Variants in DNAJB6 observed in about 807,000 individuals in gnomAD.
DNAJB6 encodes DnaJ heat shock protein family (Hsp40) member B6.
In DNAJB6, 16 loss-of-function variants were observed where a neutral mutation model predicts 42.7. The observed-to-expected ratio is 0.37, with a 90% CI of 0.25 to 0.57. DNAJB6 has a LOEUF of 0.57. DNAJB6 is among the 20% of genes least tolerant of loss of function. DNAJB6 has a pLI of 0.74. For synonymous variants in DNAJB6, 170 were observed against 163.5 expected, an observed-to-expected ratio of 1.04 and a Z score of -0.30; for missense variants, 347 against 416.8, an observed-to-expected ratio of 0.83 and a Z score of 1.46.
rs1800032246 is a variant in DNAJB6 at position 157,369,675 on chromosome 7, ATTATTATTAAACAGGCCTTTCATAACG to A, written c.346+2205_346+2231del. Among the ~76,000 whole-genome samples the A allele has an allele frequency of 2.7e-5, 4 of 149,962 alleles. 1 individual carries two copies. Among genetic ancestry groups the A allele is most frequent in the African/African-American group, 5.0e-5 (2 of 39,664 alleles). Reference sequence around the variant, plus strand: ...ATTATTAAACAGGCCCCTTCTTAACATTATTATTAAACAGGCCTTTCATAACGTTATTATTAAACGGGCCCCTTCTTC... The same window carrying A: ...ATTATTAAACAGGCCCCTTCTTAACATTATTATTAAACGGGCCCCTTCTTC... On this transcript the variant is annotated intron_variant, in intron 5 of 9. Transcript: ENST00000262177.
chr7:157,369,914 CCTT>C (rs1344338262), intron 5 of DNAJB6, among the ~76,000 whole-genome samples: 1 of 147,150 alleles, frequency 6.8e-6, no homozygotes, highest in Non-Finnish European at 1.5e-5. Flanking sequence ...TAAACAGGCC[CCTT>C]CTTAACATTA....
rs1410289788 is a variant in DNAJB6, at chr7:157,409,430, C to CGA, written c.692-365_692-364insGA. 3.8e-4 allele frequency among the ~76,000 whole-genome samples: 58 copies of CGA among 152,348 alleles called. 1 individual carries two copies. The highest frequency in any genetic ancestry group is 7.3e-5 in the Non-Finnish European group (5 of 68,038). On this transcript the variant is annotated intron_variant, in intron 8 of 9. Transcript: ENST00000262177. ...CCAACTGGACCCAGAACCTTTCTTC[C>CGA]CCAGGGTGGCTCAGCTGGCTGGTTT...
intron 8 of DNAJB6, among the ~76,000 whole-genome samples, chr7:157,408,607 G>A (rs1368771876): frequency 6.6e-6 from 1 of 152,236 alleles, no homozygotes; most frequent in Non-Finnish European, 1.5e-5. Flanking sequence ...CTGAGAGCAG[G>A]TTCCTTCCTG....
chr7:157,337,708 A>G (rs2116819039), intron 1 of DNAJB6: 1 of 152,312 alleles, frequency 6.6e-6, no homozygotes, highest in East Asian at 1.9e-4. Context: ...TGCCTTTCTC[A>G]CTCAGAATGT....
At chr7:157,403,015 C>T (rs898110333) in intron 8 of DNAJB6, among the ~76,000 whole-genome samples, 6 of 152,222 alleles carry the variant, frequency 3.9e-5, no homozygotes, top group Middle Eastern at 3.4e-3. Flanking sequence ...GACAGGTGCC[C>T]GAGGTGGTCG....
At chr7:157,412,003 G>C (rs1174114859) in intron 9 of DNAJB6, 1 of 152,242 alleles carries the variant, frequency 6.6e-6, no homozygotes, top group African/African-American at 2.4e-5. Context: ...TGGATCTTCC[G>C]TTTTGCGGCT....
rs552613359 is a variant in DNAJB6, at chr7:157,366,570, G to A, written c.235+9G>A. 11 of 1,613,334 alleles carry A rather than the reference G, an allele frequency of 6.8e-6. No individual in the cohort carries two copies. The highest frequency in any genetic ancestry group is 9.3e-6 in the Non-Finnish European group (11 of 1,179,586). ...AAATGGTGGAGGAGGAGGTAAGTAC[G>A]TGAGTTTTTTCTTTGAAGACAAAAG... On this transcript the variant is annotated intron_variant, in intron 4 of 9. Transcript: ENST00000262177.
intron 8 of DNAJB6, among the ~76,000 whole-genome samples, chr7:157,406,666 T>G (rs2117198914): frequency 6.6e-6 from 1 of 152,234 alleles, no homozygotes; most frequent in Non-Finnish European, 1.5e-5. Flanking sequence ...CCCCAGTCAC[T>G]CCAGGGCTTC....
At chr7:157,393,224 T>G (rs1801431601) in intron 8 of DNAJB6, among the ~76,000 whole-genome samples, 2 of 152,118 alleles carry the variant, frequency 1.3e-5, no homozygotes, top group African/African-American at 2.4e-5. Flanking sequence ...TATCCCGCCC[T>G]CCTTGGCCTC....
At chr7:157,345,732 C>T (rs573294147) in intron 1 of DNAJB6, among the ~76,000 whole-genome samples, 2 of 152,214 alleles carry the variant, frequency 1.3e-5, no homozygotes, top group Admixed American at 1.3e-4. Flanking sequence ...ATTTTAATGA[C>T]TTCAGATTTA....
chr7:157,340,242 CAG>C (rs1798290251), intron 1 of DNAJB6, among the ~76,000 whole-genome samples: 1 of 152,188 alleles, frequency 6.6e-6, no homozygotes, highest in African/African-American at 2.4e-5. Flanking sequence ...TTCATTTCCT[CAG>C]AAATGATTCT....
chr7:157,395,938 G>C (rs1584938335), intron 8 of DNAJB6, among the ~76,000 whole-genome samples: 1 of 128,098 alleles, frequency 7.8e-6, no homozygotes, highest in African/African-American at 3.3e-5. Context: ...TTACAGGCTT[G>C]AGCCTGTAAT....
intron 8 of DNAJB6, among the ~76,000 whole-genome samples, chr7:157,395,199 G>A (rs959375845): frequency 4.6e-5 from 7 of 151,972 alleles, no homozygotes; most frequent in Non-Finnish European, 8.8e-5. Flanking sequence ...AGAGCACTAC[G>A]TTTAATGGGC....
intron 8 of DNAJB6, among the ~76,000 whole-genome samples, chr7:157,408,227 A>G (rs1412252018): frequency 2.0e-5 from 3 of 152,154 alleles, no homozygotes; most frequent in Non-Finnish European, 2.9e-5. Flanking sequence ...CCGGGTGTTG[A>G]CAATGGGGTG....
Position 157,348,984 on chromosome 7 carries a change from C to G in DNAJB6, c.-26-9563C>G, listed in dbSNP as rs145422532. Among the ~76,000 whole-genome samples, 25 of 152,304 alleles carry G rather than the reference C, an allele frequency of 1.6e-4. No homozygotes were observed. In the East Asian group the frequency reaches 4.6e-3, roughly 28 times the overall value. On this transcript the variant is annotated intron_variant, in intron 1 of 9. Transcript: ENST00000262177. The stretch of plus-strand genomic sequence containing the variant: ...CAGTAAAATGTCAGTGTTAATTTTT[C>G]CTTTCCTCATGGTCTCTATACCATC...
intron 1 of DNAJB6, among the ~76,000 whole-genome samples, chr7:157,342,064 G>C (rs960183268): frequency 3.9e-5 from 6 of 152,124 alleles, no homozygotes; most frequent in African/African-American, 1.2e-4. Context: ...AGTGGGTTTT[G>C]CCATGTTGGC....
At chr7:157,404,767 A>G (rs566021165) in intron 8 of DNAJB6, among the ~76,000 whole-genome samples, 99 of 152,118 alleles carry the variant, frequency 6.5e-4, no homozygotes, top group African/African-American at 2.3e-3. Context: ...CAGCCTCTCA[A>G]AGTGCTGGGA....
intron 2 of DNAJB6, among the ~76,000 whole-genome samples, chr7:157,360,973 T>C (rs770398930): frequency 2.0e-5 from 3 of 152,200 alleles, no homozygotes; most frequent in Admixed American, 1.3e-4. Flanking sequence ...ATTTTAGTAG[T>C]GTATGACTGG....
chr7:157,400,408 G>A (rs930179063), intron 8 of DNAJB6, among the ~76,000 whole-genome samples: 19 of 89,190 alleles, frequency 2.1e-4, no homozygotes, highest in South Asian at 2.1e-3. Flanking sequence ...GCAGCAGGCC[G>A]GCTGGTGGAG....
Sources: gnomAD v4.1 joint callset for allele counts (sites outside exome capture counted in the v4.1 genomes callset) on GRCh38, gnomAD v4.1.1 for gene constraint, MANE v1.5 for transcripts, NCBI Gene and HGNC (gene_info 2026-07-23, HGNC 2026-07-21) for gene names.